WNK3: variants seen among roughly 807,000 people sequenced by gnomAD.
WNK3 encodes serine/threonine-protein kinase WNK3.
A neutral mutation model predicts 116.7 loss-of-function variants in WNK3; 18 were observed. The ratio of observed to expected loss-of-function variants is 0.15; its 90% CI spans 0.11 to 0.23. The LOEUF (loss-of-function observed/expected upper bound fraction) is 0.23. WNK3 is among the 10% of genes least tolerant of loss of function. The pLI is 1.00. For missense variants in WNK3, 993 were observed against 1,323.8 expected, an observed-to-expected ratio of 0.75 and a Z score of 3.88; for synonymous variants, 404 against 469.4, an observed-to-expected ratio of 0.86 and a Z score of 1.80.
intron 20 of WNK3, among the ~76,000 whole-genome samples, chrX:54,236,321 C>A (rs1603378732): frequency 9.3e-6 from 1 of 107,723 alleles, no homozygotes; most frequent in Non-Finnish European, 1.9e-5. Flanking sequence ...CAAAGTTTCA[C>A]CATGTTGGCC....
Position 54,248,402 on chromosome X carries a change from C to T in WNK3, c.3651+295G>A, listed in dbSNP as rs3021283. ...AGTGAAAATCTAAAAGTTCTTCCTA[C>T]CCACTAAAACAATCCATGAGTCAGT... On this transcript the variant is annotated intron_variant, in intron 17 of 23. Transcript: ENST00000354646. 2.1e-3 allele frequency among the ~76,000 whole-genome samples: 231 copies of T among 111,026 alleles called. 1 individual carries two copies. Among genetic ancestry groups the T allele is most frequent in the African/African-American group, 7.1e-3 (216 of 30,612 alleles).
At chrX:54,238,165 G>A (rs914662196) in intron 19 of WNK3, among the ~76,000 whole-genome samples, 177 bp downstream of exon 19, 9 of 110,694 alleles carry the variant, frequency 8.1e-5, no homozygotes, top group Non-Finnish European at 1.5e-4. Context: ...CCAAGGAGAC[G>A]GAGGTTGCAG....
chrX:54,248,004 A>G (rs1358993759), intron 17 of WNK3, among the ~76,000 whole-genome samples: 2 of 111,030 alleles, frequency 1.8e-5, no homozygotes, highest in African/African-American at 6.5e-5. Flanking sequence ...AGCACTTTGG[A>G]GGCCAAGGCA....
At chrX:54,313,272 T>C (rs935780735) in intron 2 of WNK3, among the ~76,000 whole-genome samples, 1 of 111,569 alleles carries the variant, frequency 9.0e-6, no homozygotes, top group African/African-American at 3.2e-5. Flanking sequence ...CAATGTATAT[T>C]TCTTGCTTGA....
At chrX:54,348,719 A>C (rs2069472242) in intron 1 of WNK3, among the ~76,000 whole-genome samples, 1 of 111,513 alleles carries the variant, frequency 9.0e-6, no homozygotes, top group Non-Finnish European at 1.9e-5. Context: ...TAAGCAAGGA[A>C]TCTCAGTGTG....
At chrX:54,272,724 T>C (rs1465889501) in intron 10 of WNK3, among the ~76,000 whole-genome samples, 2 of 111,893 alleles carry the variant, frequency 1.8e-5, no homozygotes, top group African/African-American at 3.2e-5. Context: ...ACTAAAAGAA[T>C]AGAAATGTCA....
intron 10 of WNK3, among the ~76,000 whole-genome samples, chrX:54,272,330 C>T (rs1222535603): frequency 9.0e-6 from 1 of 111,221 alleles, no homozygotes; most frequent in Non-Finnish European, 1.9e-5. Context: ...ATGCCTCAGA[C>T]TCAGCTACCT....
chrX:54,339,353 A>C (rs1557176009), intron 1 of WNK3, among the ~76,000 whole-genome samples: 1 of 111,646 alleles, frequency 9.0e-6, no homozygotes, highest in Non-Finnish European at 1.9e-5. Flanking sequence ...TGACATCTAC[A>C]GAACACTTCA....
At chrX:54,312,255 G>A (rs1363367514) in intron 2 of WNK3, among the ~76,000 whole-genome samples, 1 of 110,457 alleles carries the variant, frequency 9.1e-6, no homozygotes, top group Non-Finnish European at 1.9e-5. Context: ...GAACCTGGGA[G>A]GCAGAGGTTG....
intron 22 of WNK3, among the ~76,000 whole-genome samples, chrX:54,204,561 G>A (rs1557142311): frequency 8.9e-6 from 1 of 112,171 alleles, no homozygotes; most frequent in African/African-American, 3.2e-5. Flanking sequence ...CTAACTTGTT[G>A]GAATCCCAAT....
At chrX:54,213,961 GTTTGA>G (rs2067652582) in intron 22 of WNK3, among the ~76,000 whole-genome samples, 3 of 110,634 alleles carry the variant, frequency 2.7e-5, no homozygotes, top group Middle Eastern at 4.7e-3. Flanking sequence ...CTATTGAAGA[GTTTGA>G]TTTATTTTTG....
At chrX:54,215,528 T>G (rs1443446560) in intron 22 of WNK3, among the ~76,000 whole-genome samples, 1 of 112,296 alleles carries the variant, frequency 8.9e-6, no homozygotes, top group Non-Finnish European at 1.9e-5. Flanking sequence ...TGGCGTGATC[T>G]CCGCTCGCTA....
intron 1 of WNK3, among the ~76,000 whole-genome samples, chrX:54,336,851 G>A (rs982501132): frequency 9.0e-6 from 1 of 110,884 alleles, no homozygotes; most frequent in African/African-American, 3.3e-5. Flanking sequence ...AGAGTCTTAC[G>A]GTGACTCACA....
At chrX:54,306,896 C>T (rs894952783) in intron 5 of WNK3, among the ~76,000 whole-genome samples, 5 of 110,614 alleles carry the variant, frequency 4.5e-5, no homozygotes, top group African/African-American at 1.6e-4. Context: ...TCACATGGTA[C>T]CCCTTAAATA....
intron 7 of WNK3, 47 bp from the exon 8 acceptor site, chrX:54,294,894 T>G: frequency 9.3e-7 from 1 of 1,077,150 alleles, no homozygotes; most frequent in Non-Finnish European, 1.2e-6. Flanking sequence ...ACATTTAAGA[T>G]TTTAACTTTT....
chrX:54,358,354 G>GAGAAGA (rs35843910), upstream of WNK3, among the ~76,000 whole-genome samples: 58 of 104,739 alleles, frequency 5.5e-4, no homozygotes, highest in Admixed American at 2.8e-3. Flanking sequence ...TCTCCCCTCA[G>GAGAAGA]AGAAGAAGAA....
intron 2 of WNK3, among the ~76,000 whole-genome samples, chrX:54,331,373 T>C (rs1557174242): frequency 1.8e-5 from 2 of 108,602 alleles, no homozygotes; most frequent in African/African-American, 6.8e-5. Context: ...GATATATGTG[T>C]GTGTGTGCAT....
At chrX:54,203,744 C>A (rs533433392) in intron 22 of WNK3, among the ~76,000 whole-genome samples, 2 of 110,025 alleles carry the variant, frequency 1.8e-5, no homozygotes, top group African/African-American at 6.6e-5. Flanking sequence ...GTCAGGAGTT[C>A]AAGACCTGCC....
At chrX:54,200,913 A>G (rs2067494715) in intron 23 of WNK3, among the ~76,000 whole-genome samples, 1 of 112,030 alleles carries the variant, frequency 8.9e-6, no homozygotes, top group Non-Finnish European at 1.9e-5. Context: ...TCCCAAGGAG[A>G]TATACTGCTC....
Sources: gnomAD v4.1 joint callset for allele counts (sites outside exome capture counted in the v4.1 genomes callset) on GRCh38, gnomAD v4.1.1 for gene constraint, MANE v1.5 for transcripts, NCBI Gene and HGNC (gene_info 2026-07-23, HGNC 2026-07-21) for gene names.